APPL2: variants seen among roughly 807,000 people sequenced by gnomAD.
The protein encoded by APPL2 is adaptor protein, phosphotyrosine interacting with PH domain and leucine zipper 2.
A neutral mutation model predicts 92.7 loss-of-function variants in APPL2; 84 were observed. The observed-to-expected ratio is 0.91, with a 90% CI of 0.76 to 1.09. The LOEUF (loss-of-function observed/expected upper bound fraction) is 1.09. APPL2 is among the 50% of genes least tolerant of loss of function. The probability of loss-of-function intolerance (pLI) is 0.00; values close to 1 mark genes in which losing one functional copy is unlikely to be tolerated. For synonymous variants in APPL2, 291 were observed against 291.0 expected, an observed-to-expected ratio of 1.00 and a Z score of 0.00; for missense variants, 736 against 824.5, an observed-to-expected ratio of 0.89 and a Z score of 1.31.
chr12:105,181,983 T>TTC (rs1230716200), intron 17 of APPL2, among the ~76,000 whole-genome samples: 1 of 152,186 alleles, frequency 6.6e-6, no homozygotes, highest in African/African-American at 2.4e-5. Flanking sequence ...CTCATCTTAG[T>TTC]TATTTCTTGT....
chr12:105,175,044 C>T lies in APPL2; in HGVS notation c.1861-596G>A, dbSNP rs758081860. Among the ~76,000 whole-genome samples, 204 of 152,178 alleles carry T rather than the reference C, an allele frequency of 1.3e-3. 2 individuals are homozygous for T. The highest frequency in any genetic ancestry group is 4.2e-3 in the African/African-American group (174 of 41,544). ...GACTACAGGTGTGCACCACCACACCCGGCTAATTTTTGTATTTTTAGTAGA... is the reference window on the plus strand; with the variant it reads ...GACTACAGGTGTGCACCACCACACCTGGCTAATTTTTGTATTTTTAGTAGA... On this transcript the variant is annotated intron_variant, in intron 20 of 20. Coordinates refer to ENST00000258530, the MANE Select transcript of APPL2 (RefSeq NM_018171.5).
At chr12:105,178,467 A>G (rs907077868) in intron 17 of APPL2, among the ~76,000 whole-genome samples, 5 of 152,158 alleles carry the variant, frequency 3.3e-5, no homozygotes, top group Admixed American at 6.5e-5. Flanking sequence ...TGATGGTTGT[A>G]CAACTCTGAA....
At chr12:105,219,691 G>A (rs895925749) in intron 2 of APPL2, among the ~76,000 whole-genome samples, 1 of 152,162 alleles carries the variant, frequency 6.6e-6, no homozygotes, top group Non-Finnish European at 1.5e-5. Flanking sequence ...AAAATACAAA[G>A]CAATTGGCCA....
Position 105,197,753 on chromosome 12 carries a change from CGT to C in APPL2, c.1052+10_1052+11del. 6.2e-7 allele frequency: 1 copy of C among 1,614,122 alleles called. No homozygotes were observed. Among genetic ancestry groups the C allele is most frequent in the Non-Finnish European group, 8.5e-7 (1 of 1,180,012 alleles). On this transcript the variant is annotated intron_variant, in intron 11 of 20. Coordinates refer to ENST00000258530, the MANE Select transcript of APPL2 (RefSeq NM_018171.5). ...ACTCATTCTCCTCCCAAATAAAACG[CGT>C]GAAACATACGATTTTCCATTGGGCG...
At position 105,199,457 on chromosome 12, in the gene APPL2, G is replaced by A. The variant is rs772596522; in HGVS notation, c.779C>T (p.Ser260Phe). Residue 260 changes from serine (S) to phenylalanine (F), a missense_variant, in exon 10 of 21, where the codon TCT (serine) becomes TTT (phenylalanine). Transcript: ENST00000258530. ...SQQELLSVDE[S>F]VYTPDSDVAA... is the part of the protein sequence containing the mutation. Reference sequence around the variant, plus strand: ...CACATCAGAGTCTGGAGTGTAAACAGATTCATCAACAGAAAGTAATTCTTG... The same window carrying A: ...CACATCAGAGTCTGGAGTGTAAACAAATTCATCAACAGAAAGTAATTCTTG... 8 of 1,614,188 alleles carry A rather than the reference G, an allele frequency of 5.0e-6. No individual in the cohort carries two copies. The highest frequency in any genetic ancestry group is 1.1e-5 in the South Asian group (1 of 91,082).
In APPL2 at chr12:105,202,055, A is replaced by G. The variant is rs146681306; in HGVS notation, c.704+1648T>C. 1.5e-3 allele frequency among the ~76,000 whole-genome samples: 236 copies of G among 152,380 alleles called. 1 individual carries two copies. Among genetic ancestry groups the G allele is most frequent in the African/African-American group, 5.4e-3 (226 of 41,590 alleles). Reference sequence around the variant, plus strand: ...TCCCTTGGTTTGGAGAAAAGTGGTCATATTTACTCACCAACATGAAATTTA... The same window carrying G: ...TCCCTTGGTTTGGAGAAAAGTGGTCGTATTTACTCACCAACATGAAATTTA... On this transcript the variant is annotated intron_variant, in intron 9 of 20. Coordinates refer to ENST00000258530, the MANE Select transcript of APPL2 (RefSeq NM_018171.5).
At chr12:105,231,971 C>G (rs937425490) in intron 1 of APPL2, among the ~76,000 whole-genome samples, 2 of 152,184 alleles carry the variant, frequency 1.3e-5, no homozygotes, top group Non-Finnish European at 2.9e-5. Flanking sequence ...AGCAAAGGCA[C>G]ACCAGTAGCT....
In APPL2 at chr12:105,185,887, CAT is replaced by C. The variant is rs1412967872; in HGVS notation, c.1634+2384_1634+2385del. ...CCATTACCACTATCTAGTCCCAGGA[CAT>C]TTTTATCATCCCAGAGGAAACTCCA... On this transcript the variant is annotated intron_variant, in intron 17 of 20. Coordinates refer to ENST00000258530, the MANE Select transcript of APPL2 (RefSeq NM_018171.5). Among the ~76,000 whole-genome samples the C allele has an allele frequency of 7.2e-5, 11 of 152,114 alleles. 1 individual carries two copies. The highest frequency in any genetic ancestry group is 2.4e-5 in the African/African-American group (1 of 41,418).
rs185775004 is a variant in APPL2, at chr12:105,210,782, G to A, written c.373+448C>T. Among the ~76,000 whole-genome samples, 26 of 103,518 alleles carry A rather than the reference G, an allele frequency of 2.5e-4. No homozygotes were observed. The East Asian group carries it at 6.8e-3, about 27-fold the overall frequency. 67.9% of individuals were successfully genotyped at this position (103,518 alleles called of 152,430 possible). ...ACAGAGAATGCATGGTTCCTATCCCGTCTTCCCCTTTCTCCAAACCCCGCT... is the reference window on the plus strand; with the variant it reads ...ACAGAGAATGCATGGTTCCTATCCCATCTTCCCCTTTCTCCAAACCCCGCT... On this transcript the variant is annotated intron_variant, in intron 5 of 20. Coordinates refer to ENST00000258530, the MANE Select transcript of APPL2 (RefSeq NM_018171.5).
chr12:105,175,295 T>C (rs1184366078), intron 20 of APPL2, among the ~76,000 whole-genome samples: 1 of 152,242 alleles, frequency 6.6e-6, no homozygotes, highest in African/African-American at 2.4e-5. Flanking sequence ...CATTAAATAC[T>C]AGCTTACAGT....
At chr12:105,193,123 T>A (rs1047392334) in intron 14 of APPL2, among the ~76,000 whole-genome samples, 2 of 149,808 alleles carry the variant, frequency 1.3e-5, no homozygotes, top group South Asian at 2.1e-4. Flanking sequence ...TCATTTTTTT[T>A]CCCCCCAGGG....
chr12:105,201,019 A>G (rs1297469668), intron 9 of APPL2, among the ~76,000 whole-genome samples: 1 of 152,014 alleles, frequency 6.6e-6, no homozygotes, highest in Non-Finnish European at 1.5e-5. Flanking sequence ...AGCGATTCCC[A>G]TGCCTCAGCC....
At position 105,189,816 on chromosome 12, in the gene APPL2, T is replaced by G. The variant is rs1234030603; in HGVS notation, c.1415A>C (p.Asn472Thr). Residue 472 changes from asparagine to threonine, a missense_variant, in exon 16 of 21, where the codon AAC (asparagine) becomes ACC (threonine). Transcript: ENST00000258530. ...TTCATCCTCAGTTTCACCAAAAGGG[T>G]TGGTACGCCTAGGGGAATAGCCAGA... ...LDQNRGSRRT[N>T]PFGETEDESF... The G allele has an allele frequency of 6.2e-7, 1 of 1,614,192 alleles. No individual in the cohort carries two copies.
rs1889062102 is a variant in APPL2 at position 105,209,828 on chromosome 12, CTTG to C, written c.373+1399_373+1401del. Among the ~76,000 whole-genome samples, 5 of 152,296 alleles carry C rather than the reference CTTG, an allele frequency of 3.3e-5. No homozygotes were observed. The South Asian group carries it at 8.3e-4, about 25-fold the overall frequency. ...TTTATGCAAGCAAATGGAGGCATTA[CTTG>C]TTATTTTTTATTTATTAAGTTTTAG... is the stretch of plus-strand genomic sequence containing the variant. On this transcript the variant is annotated intron_variant, in intron 5 of 20. Coordinates refer to ENST00000258530, the MANE Select transcript of APPL2 (RefSeq NM_018171.5).
chr12:105,217,789 C>T (rs1395562550), intron 2 of APPL2, 64 bp from the exon 3 acceptor site: 16 of 1,499,094 alleles, frequency 1.1e-5, no homozygotes, highest in African/African-American at 2.8e-5. Flanking sequence ...CTGAAAAATG[C>T]CATCTCTGAG....
intron 4 of APPL2, among the ~76,000 whole-genome samples, chr12:105,214,126 C>T (rs539232245): frequency 3.3e-5 from 5 of 152,116 alleles, no homozygotes; most frequent in African/African-American, 9.7e-5. Context: ...GCAGAGGTTG[C>T]GGTGAGCCAA....
At chr12:105,212,153 C>CA (rs1442944346) in intron 4 of APPL2, among the ~76,000 whole-genome samples, 8 of 147,732 alleles carry the variant, frequency 5.4e-5, no homozygotes, top group African/African-American at 2.0e-4. Context: ...TACTTCCTAC[C>CA]AAAACAACTC....
At chr12:105,222,159 C>G (rs527753906) in intron 2 of APPL2, among the ~76,000 whole-genome samples, 2 of 152,240 alleles carry the variant, frequency 1.3e-5, no homozygotes, top group East Asian at 3.9e-4. Flanking sequence ...GCGGCTGGAG[C>G]GTCTCATGCG....
chr12:105,214,080 A>C (rs1402035605), intron 4 of APPL2, among the ~76,000 whole-genome samples: 1 of 152,092 alleles, frequency 6.6e-6, no homozygotes, highest in Admixed American at 6.6e-5. Context: ...AGCTGCTTGG[A>C]AAGGCTGAGG....
Sources: allele counts gnomAD v4.1 joint callset (sites outside exome capture counted in the v4.1 genomes callset), GRCh38; gene constraint gnomAD v4.1.1; transcripts MANE v1.5; gene names NCBI Gene and HGNC (gene_info 2026-07-23, HGNC 2026-07-21).